Variants in YIPF6 observed in about 807,000 individuals in gnomAD.
YIPF6 encodes the protein protein YIPF6.
Under a neutral mutation model 16.8 loss-of-function variants are expected in YIPF6, and 3 were observed. The observed-to-expected ratio is 0.18, with a 90% confidence interval of 0.08 to 0.46. The LOEUF (loss-of-function observed/expected upper bound fraction) is 0.46. Ranked by LOEUF, YIPF6 falls within the 20% of genes least tolerant of loss-of-function variation. The pLI, the probability that YIPF6 is intolerant of heterozygous loss-of-function variation, is 0.98. For missense variants in YIPF6, 145 were observed against 184.9 expected (o/e 0.78, Z 1.25); for synonymous variants, 67 against 61.9 (o/e 1.08, Z -0.38).
At chrX:68,524,360 G>A (rs1483781312) in intron 6 of YIPF6, among the ~76,000 whole-genome samples, 1 of 109,889 alleles carries the variant, frequency 9.1e-6, no homozygotes, top group Admixed American at 9.8e-5. Flanking sequence ...GTAGAGATGG[G>A]GTTTCACCAT....
chrX:68,514,975 A>G (rs1029701082), intron 3 of YIPF6: 1 of 111,411 alleles, frequency 9.0e-6, no homozygotes, highest in Non-Finnish European at 1.9e-5. Context: ...ACACATGGCT[A>G]GTTTTTAAAT....
intron 1 of YIPF6, among the ~76,000 whole-genome samples, chrX:68,507,597 C>T (rs960837871): frequency 9.3e-5 from 10 of 107,816 alleles, no homozygotes; most frequent in Non-Finnish European, 1.5e-4. Context: ...TTAGAGATGT[C>T]TATTATAATT....
At chrX:68,513,501 G>A in intron 3 of YIPF6, 96 bp downstream of exon 3, 1 of 473,549 alleles carries the variant, frequency 2.1e-6, no homozygotes, top group Non-Finnish European at 3.2e-6. Context: ...TAATAAAACT[G>A]ACATCATTTT....
In YIPF6 at chrX:68,536,571, G is replaced by T. The variant is rs763654138; in HGVS notation, c.*4572G>T. ...TACAAATATAGGTATTTTCCCTATT[G>T]TGTTATGTACCTGAAATGAATACAC... On this transcript the variant is annotated 3_prime_UTR_variant, in exon 7 of 7. Transcript: ENST00000462683. 2.4e-4 allele frequency: 25 copies of T among 105,289 alleles called. No individual in the cohort carries two copies. The highest frequency in any genetic ancestry group is 4.1e-4 in the Non-Finnish European group (21 of 50,920). 8.7% of individuals were successfully genotyped at this position (105,289 alleles called of 1,213,427 possible). A position where few individuals can be genotyped will look rare whatever the true frequency, so the allele number is the denominator to read the frequency against.
intron 6 of YIPF6, among the ~76,000 whole-genome samples, chrX:68,528,975 G>A (rs1261734752): frequency 4.5e-5 from 5 of 111,131 alleles, no homozygotes; most frequent in African/African-American, 1.6e-4. Flanking sequence ...TCTTCTCAAG[G>A]AATATCTTTG....
intron 1 of YIPF6, among the ~76,000 whole-genome samples, chrX:68,502,441 T>C (rs2079044156): frequency 9.0e-6 from 1 of 111,631 alleles, no homozygotes; most frequent in African/African-American, 3.3e-5. Context: ...GCCCGAGATT[T>C]TGCATTTCTT....
In YIPF6 at chrX:68,513,278, G is replaced by T. The variant is rs754605978; in HGVS notation, c.187-49G>T. ...AAATTTTAGCAAATTAAGTAAGGCT[G>T]CTGGCAACCTTGGTCATCACAATAC... is the stretch of plus-strand genomic sequence containing the variant. On this transcript the variant is annotated intron_variant, in intron 2 of 6. Coordinates refer to ENST00000462683, the MANE Select transcript of YIPF6 (RefSeq NM_173834.4). 4 of 1,053,251 alleles carry T rather than the reference G, an allele frequency of 3.8e-6. No homozygotes were observed. The South Asian group carries it at 6.3e-5, about 17-fold the overall frequency. The allele number at this position is 1,053,251 out of a possible 1,213,427, so 86.8% of individuals were successfully genotyped here. A position where few individuals can be genotyped will look rare whatever the true frequency, so the allele number is the denominator to read the frequency against.
chrX:68,517,140 T>TTTTG (rs775526143), intron 3 of YIPF6, among the ~76,000 whole-genome samples: 8 of 106,756 alleles, frequency 7.5e-5, no homozygotes, highest in Non-Finnish European at 1.3e-4. Context: ...CAGCAGCTGT[T>TTTTG]TTTGTTTGTT....
At chrX:68,500,455 A>ACT (rs1169902692) in intron 1 of YIPF6, among the ~76,000 whole-genome samples, 1 of 110,802 alleles carries the variant, frequency 9.0e-6, no homozygotes, top group Admixed American at 9.6e-5. Flanking sequence ...AGCTGGGATT[A>ACT]CAGGCGCCTG....
intron 3 of YIPF6, among the ~76,000 whole-genome samples, chrX:68,516,239 A>G (rs2079102127): frequency 8.9e-6 from 1 of 112,518 alleles, no homozygotes; most frequent in African/African-American, 3.2e-5. Flanking sequence ...GAAAAGTATA[A>G]TATAGTAAAC....
chrX:68,531,792 C>T, intron 6 of YIPF6, 89 bp from the exon 7 acceptor site: 1 of 628,990 alleles, frequency 1.6e-6, no homozygotes, highest in South Asian at 3.1e-5. Flanking sequence ...CTAGATGATG[C>T]CAAGCTCATG....
chrX:68,502,825 G>A (rs2147816909), intron 1 of YIPF6, among the ~76,000 whole-genome samples: 1 of 109,137 alleles, frequency 9.2e-6, no homozygotes, highest in African/African-American at 3.3e-5. Context: ...GCTGCAGTCT[G>A]GGGTCTTTTT....
At chrX:68,516,176 C>T (rs377446975) in intron 3 of YIPF6, among the ~76,000 whole-genome samples, 2 of 111,564 alleles carry the variant, frequency 1.8e-5, no homozygotes, top group East Asian at 5.6e-4. Flanking sequence ...CAGGGTCTTG[C>T]TATGTTACCC....
chrX:68,499,738 C>T (rs1206256048), intron 1 of YIPF6, among the ~76,000 whole-genome samples: 4 of 112,030 alleles, frequency 3.6e-5, no homozygotes, highest in Non-Finnish European at 5.6e-5. Flanking sequence ...CCCAGGCTCA[C>T]GTGATCCTCC....
intron 6 of YIPF6, among the ~76,000 whole-genome samples, chrX:68,526,799 C>T (rs2147826323): frequency 8.9e-6 from 1 of 111,947 alleles, no homozygotes; most frequent in Non-Finnish European, 1.9e-5. Flanking sequence ...TATGTTGAAC[C>T]AACCTTGCAT....
chrX:68,531,548 G>A (rs998525972), intron 6 of YIPF6, among the ~76,000 whole-genome samples: 25 of 112,247 alleles, frequency 2.2e-4, no homozygotes, highest in Non-Finnish European at 4.1e-4. Context: ...AGAGCAGCAC[G>A]AGGCCGTTTA....
chrX:68,523,508 C>T (rs923178431), intron 6 of YIPF6, among the ~76,000 whole-genome samples: 11 of 111,791 alleles, frequency 9.8e-5, no homozygotes, highest in Admixed American at 7.6e-4. Context: ...TACCACCTTC[C>T]AGTGTAGATT....
chrX:68,505,142 C>T (rs1342705326), intron 1 of YIPF6, among the ~76,000 whole-genome samples: 1 of 111,633 alleles, frequency 9.0e-6, no homozygotes, highest in Non-Finnish European at 1.9e-5. Flanking sequence ...GGGCATGGTG[C>T]CTCACGCCTG....
At chrX:68,526,547 G>A (rs1294038677) in intron 6 of YIPF6, among the ~76,000 whole-genome samples, 2 of 111,612 alleles carry the variant, frequency 1.8e-5, no homozygotes, top group African/African-American at 6.5e-5. Context: ...TCCTTGTCTT[G>A]TGCTGGTTTT....
Sources: allele counts gnomAD v4.1 joint callset (sites outside exome capture counted in the v4.1 genomes callset), GRCh38; gene constraint gnomAD v4.1.1; transcripts MANE v1.5; gene names NCBI Gene and HGNC (gene_info 2026-07-23, HGNC 2026-07-21).